CHMP2B: variants seen among roughly 807,000 people sequenced by gnomAD.
The protein encoded by CHMP2B is charged multivesicular body protein 2B.
CHMP2B carries 22 observed loss-of-function variants against 29.8 expected under a neutral mutation model. The ratio of observed to expected loss-of-function variants is 0.74; its 90% CI spans 0.53 to 1.05. CHMP2B has a LOEUF of 1.05. Among genes scored for constraint, CHMP2B ranks in the 50% least tolerant of loss-of-function variants. The probability of loss-of-function intolerance (pLI) is 0.00; values close to 1 mark genes in which losing one functional copy is unlikely to be tolerated. For missense variants in CHMP2B, 261 were observed against 252.2 expected (o/e 1.03, Z -0.24); for synonymous variants, 78 against 75.8 (o/e 1.03, Z -0.15).
At chr3:87,240,620 G>C in intron 1 of CHMP2B, 79 bp from the exon 2 acceptor site, 2 of 1,008,842 alleles carry the variant, frequency 2.0e-6, no homozygotes, top group Non-Finnish European at 3.2e-6. Context: ...TTTAAATCAT[G>C]ATCTGTGAAT....
chr3:87,248,361 T>C (rs2106911200), intron 3 of CHMP2B, among the ~76,000 whole-genome samples: 1 of 151,774 alleles, frequency 6.6e-6, no homozygotes. Flanking sequence ...CTTATTCTTT[T>C]TGAGTGTCTG....
At chr3:87,252,212 A>G (rs761978646) in intron 4 of CHMP2B, among the ~76,000 whole-genome samples, 23 of 151,866 alleles carry the variant, frequency 1.5e-4, no homozygotes, top group Admixed American at 1.1e-3. Flanking sequence ...GGAGCATTGC[A>G]TAGACAAGGA....
chr3:87,233,202 T>G (rs1331430531), intron 1 of CHMP2B, among the ~76,000 whole-genome samples: 1 of 152,168 alleles, frequency 6.6e-6, no homozygotes, highest in Non-Finnish European at 1.5e-5. Flanking sequence ...TTGTTTTCTT[T>G]TTACCGTGTA....
Position 87,227,426 on chromosome 3 carries a change from C to T in CHMP2B, c.-97C>T, listed in dbSNP as rs1705828293. On this transcript the variant is annotated 5_prime_UTR_variant, in exon 1 of 6. Transcript: ENST00000263780. ...CTCCTGCTGTCTCTCCGCTCCGCCA[C>T]CCCGAACCCGCCAAGGTCCTGTCCT... The T allele has an allele frequency of 3.4e-6, 5 of 1,481,566 alleles. No homozygotes were observed. The highest frequency in any genetic ancestry group is 2.3e-5 in the East Asian group (1 of 44,128). The allele number at this position is 1,481,566 out of a possible 1,614,324, so 91.8% of individuals were successfully genotyped here.
Position 87,255,385 on chromosome 3 carries a change from A to G in CHMP2B, c.*1563A>G, listed in dbSNP as rs183335605. On this transcript the variant is annotated 3_prime_UTR_variant, in exon 6 of 6. Coordinates refer to ENST00000263780, the MANE Select transcript of CHMP2B (RefSeq NM_014043.4). ...AACATGTTTTGATTCTTGAATGTAC[A>G]TAATAATGCCATCTAACTTATTTAC... The G allele has an allele frequency of 8.5e-5, 13 of 152,496 alleles. No individual in the cohort carries two copies. Among genetic ancestry groups the G allele is most frequent in the African/African-American group, 2.9e-4 (12 of 41,436 alleles). The allele number at this position is 152,496 out of a possible 1,614,324, so 9.4% of individuals were successfully genotyped here.
chr3:87,247,036 T>TA (rs959999979), intron 3 of CHMP2B, among the ~76,000 whole-genome samples: 4 of 152,040 alleles, frequency 2.6e-5, no homozygotes, highest in African/African-American at 9.7e-5. Flanking sequence ...AGAAAAAAAA[T>TA]AGCCTCAGAG....
At chr3:87,245,259 T>C (rs1034688577) in intron 2 of CHMP2B, among the ~76,000 whole-genome samples, 1 of 152,152 alleles carries the variant, frequency 6.6e-6, no homozygotes, top group African/African-American at 2.4e-5. Context: ...TGCTTTCTTA[T>C]CTAATCCGAC....
At chr3:87,252,366 G>C (rs1012031091) in intron 4 of CHMP2B, among the ~76,000 whole-genome samples, 1 of 151,652 alleles carries the variant, frequency 6.6e-6, no homozygotes, top group Non-Finnish European at 1.5e-5. Flanking sequence ...TAGGCTAGCT[G>C]CTTTAATTTT....
chr3:87,233,254 G>A (rs1277217197), intron 1 of CHMP2B, among the ~76,000 whole-genome samples: 1 of 152,052 alleles, frequency 6.6e-6, no homozygotes, highest in African/African-American at 2.4e-5. Context: ...GTCCCTGAGT[G>A]TCAGATATAC....
Position 87,253,479 on chromosome 3 carries a change from T to A in CHMP2B, c.500T>A (p.Leu167His). Residue 167 changes from leucine to histidine, a missense_variant, in exon 5 of 6, where the codon CTT (leucine) becomes CAT (histidine). Transcript: ENST00000263780. ...AGCCAGGATATTGTGAATCAAGTTCTTGATGAAATTGGAATTGAAATTTCT... is the reference window on the plus strand; with the variant it reads ...AGCCAGGATATTGTGAATCAAGTTCATGATGAAATTGGAATTGAAATTTCT... ...EESQDIVNQV[L>H]DEIGIEISGK... is the part of the protein sequence containing the mutation. 6.2e-7 allele frequency: 1 copy of A among 1,610,962 alleles called. No homozygotes were observed. Among genetic ancestry groups the A allele is most frequent in the South Asian group, 1.1e-5 (1 of 91,024 alleles).
intron 4 of CHMP2B, chr3:87,253,153 A>G (rs1035796458): frequency 5.3e-5 from 20 of 377,600 alleles, no homozygotes; most frequent in African/African-American, 4.2e-4. Flanking sequence ...TATTAGAATT[A>G]ATTTTTTAAA....
At chr3:87,241,222 CT>C (rs1706113575) in intron 2 of CHMP2B, among the ~76,000 whole-genome samples, 1 of 152,100 alleles carries the variant, frequency 6.6e-6, no homozygotes, top group Non-Finnish European at 1.5e-5. Context: ...ATAGACTGGT[CT>C]GGTTCATTTT....
intron 4 of CHMP2B, among the ~76,000 whole-genome samples, chr3:87,251,953 C>T (rs1005261453): frequency 1.3e-5 from 2 of 151,550 alleles, no homozygotes; most frequent in African/African-American, 2.4e-5. Context: ...AGTAACATAC[C>T]GCGAAATTAT....
Position 87,253,964 on chromosome 3 carries a change from TG to T in CHMP2B, c.*144del. 1.6e-6 allele frequency: 1 copy of T among 612,590 alleles called. No individual in the cohort carries two copies. Among genetic ancestry groups the T allele is most frequent in the Non-Finnish European group, 2.9e-6 (1 of 349,106 alleles). 37.9% of individuals were successfully genotyped at this position (612,590 alleles called of 1,614,324 possible). A position where few individuals can be genotyped will look rare whatever the true frequency, so the allele number is the denominator to read the frequency against. ...GAGTGAACAGTTGTTTCCTAACCCA[TG>T]GCTATTTAGAATCTTTTGCCAAAGA... On this transcript the variant is annotated 3_prime_UTR_variant, in exon 6 of 6. Coordinates refer to ENST00000263780, the MANE Select transcript of CHMP2B (RefSeq NM_014043.4).
Position 87,229,082 on chromosome 3 carries a change from A to AT in CHMP2B, c.34+1535dup, listed in dbSNP as rs910162185. Among the ~76,000 whole-genome samples, 180 of 151,464 alleles carry AT rather than the reference A, an allele frequency of 1.2e-3. 1 individual carries two copies. Among genetic ancestry groups the AT allele is most frequent in the African/African-American group, 3.7e-3 (152 of 41,308 alleles). The stretch of plus-strand genomic sequence containing the variant: ...TACTGTGATGTTACAATTAGAGTTA[A>AT]TTTTTTTTTAACAATAAAAGCCAAG... On this transcript the variant is annotated intron_variant, in intron 1 of 5. Coordinates refer to ENST00000263780, the MANE Select transcript of CHMP2B (RefSeq NM_014043.4).
At position 87,245,676 on chromosome 3, in the gene CHMP2B, T is replaced by A. The variant is rs762501606; in HGVS notation, c.127-38T>A. 744 of 1,535,626 alleles carry A rather than the reference T, an allele frequency of 4.8e-4. 1 individual carries two copies. Among genetic ancestry groups the A allele is most frequent in the Admixed American group, 8.1e-4 (48 of 59,404 alleles). On this transcript the variant is annotated intron_variant, in intron 2 of 5. Coordinates refer to ENST00000263780, the MANE Select transcript of CHMP2B (RefSeq NM_014043.4). ...AAATAAATTATTGACGACTACCCTT[T>A]AATAATTTTATTTTCTTTTGTTTGT...
chr3:87,248,633 G>A (rs910432178), intron 3 of CHMP2B, among the ~76,000 whole-genome samples: 1 of 152,010 alleles, frequency 6.6e-6, no homozygotes, highest in Admixed American at 6.6e-5. Context: ...AATAAAAGAT[G>A]TGTGTCTAGA....
At chr3:87,229,270 C>A (rs534832002) in intron 1 of CHMP2B, among the ~76,000 whole-genome samples, 2 of 152,064 alleles carry the variant, frequency 1.3e-5, no homozygotes, top group Non-Finnish European at 2.9e-5. Flanking sequence ...TAACTGTATA[C>A]TCATTTGCAG....
chr3:87,237,222 C>T (rs973798685), intron 1 of CHMP2B, among the ~76,000 whole-genome samples: 4 of 152,094 alleles, frequency 2.6e-5, no homozygotes, highest in African/African-American at 7.2e-5. Context: ...GAATTGTCCC[C>T]CCTGCCTCCC....
Sources: gnomAD v4.1 joint callset for allele counts (sites outside exome capture counted in the v4.1 genomes callset) on GRCh38, gnomAD v4.1.1 for gene constraint, MANE v1.5 for transcripts, NCBI Gene and HGNC (gene_info 2026-07-23, HGNC 2026-07-21) for gene names.